Variants in ZNF594 observed in about 807,000 individuals in gnomAD.
ZNF594 encodes zinc finger protein HZF18.
For synonymous variants in ZNF594, 336 were observed against 309.4 expected, an observed-to-expected ratio of 1.09 and a Z score of -0.90; for missense variants, 1,037 against 964.6, an observed-to-expected ratio of 1.08 and a Z score of -0.99.
chr17:5,188,267 C>CTTTT (rs71151844), intron 1 of ZNF594, among the ~76,000 whole-genome samples: 1 of 134,718 alleles, frequency 7.4e-6, no homozygotes, highest in Non-Finnish European at 1.6e-5. Context: ...AAAGGCTGCC[C>CTTTT]TTTTTTTTTT....
chr17:5,187,387 G>T (rs1468079572), intron 1 of ZNF594, among the ~76,000 whole-genome samples: 1 of 152,200 alleles, frequency 6.6e-6, no homozygotes, highest in African/African-American at 2.4e-5. Flanking sequence ...CAACATATGG[G>T]AATTATGGAA....
At chr17:5,179,092 G>A (rs1360869857), downstream of ZNF594, among the ~76,000 whole-genome samples, 6 of 151,588 alleles carry the variant, frequency 4.0e-5, no homozygotes, top group African/African-American at 7.3e-5. Flanking sequence ...AGGTGACAGC[G>A]CCAGCAGCAG....
Position 5,182,059 on chromosome 17 carries a change from T to C in ZNF594, c.2198A>G (p.Glu733Gly), listed in dbSNP as rs548040309. The C allele has an allele frequency of 2.4e-4, 389 of 1,613,696 alleles. 3 individuals are homozygous for C. The South Asian group carries it at 4.1e-3, about 17-fold the overall frequency. Reference protein sequence around the residue: ...FLKHQRLHAGEKLEECEKTFS... With the variant: ...FLKHQRLHAGGKLEECEKTFS... Reference sequence around the variant, plus strand: ...GGTTTTCTCACATTCTTCAAGTTTCTCTCCAGCATGCAGTCTCTGATGTTT... The same window carrying C: ...GGTTTTCTCACATTCTTCAAGTTTCCCTCCAGCATGCAGTCTCTGATGTTT... Residue 733 changes from glutamate (E) to glycine (G), a missense_variant, in exon 2 of 2, where the codon GAG (glutamate) becomes GGG (glycine). Physicochemically the swap from Glu to Gly is moderately conservative, Grantham distance 98. Coordinates refer to ENST00000575779, the MANE Select transcript of ZNF594 (RefSeq NM_032530.2).
chr17:5,179,232 T>TTGGGCCCCC (rs2074323153), downstream of ZNF594, among the ~76,000 whole-genome samples: 1 of 145,868 alleles, frequency 6.9e-6, no homozygotes, highest in African/African-American at 2.5e-5. Flanking sequence ...TCTCTGTGCC[T>TTGGGCCCCC]TGGGCCCCCT....
At chr17:5,175,433 C>T (rs2074300490), downstream of ZNF594, among the ~76,000 whole-genome samples, 1 of 152,124 alleles carries the variant, frequency 6.6e-6, no homozygotes, top group African/African-American at 2.4e-5. Context: ...CCATTCCCCC[C>T]ATCCCCCCAG....
chr17:5,174,998 G>A (rs1029555443), downstream of ZNF594: 7 of 184,714 alleles, frequency 3.8e-5, no homozygotes, highest in Admixed American at 6.2e-5. Context: ...TCTATGTGCT[G>A]TTTTTCCTCA....
At position 5,183,139 on chromosome 17, in the gene ZNF594, T is replaced by C; in HGVS notation, c.1118A>G (p.Glu373Gly). ...LREEQRIHQE[E>G]KAYWCNQCGR... is the part of the protein sequence containing the mutation. ...ACACTGATTACACCAATAAGCTTTC[T>C]CTTCCTGGTGAATTCTCTGCTCTTC... is the stretch of plus-strand genomic sequence containing the variant. The change falls in exon 2 of 2, where the codon GAG becomes GGG. Residue 373 changes from glutamate (E) to glycine (G), a missense_variant. Glu to Gly is a moderately conservative substitution (Grantham distance 98). Coordinates refer to ENST00000575779, the MANE Select transcript of ZNF594 (RefSeq NM_032530.2). 6.2e-7 allele frequency: 1 copy of C among 1,614,062 alleles called. No individual in the cohort carries two copies. Among genetic ancestry groups the C allele is most frequent in the Non-Finnish European group, 8.5e-7 (1 of 1,180,008 alleles).
chr17:5,191,508 G>C (rs2074424204), intron 1 of ZNF594: 1 of 152,194 alleles, frequency 6.6e-6, no homozygotes, highest in Non-Finnish European at 1.5e-5. Flanking sequence ...TGCCGTTAGC[G>C]GTACCCACAG....
At position 5,181,032 on chromosome 17, in the gene ZNF594, C is replaced by G. The variant is rs769831927; in HGVS notation, c.*801G>C. The G allele has an allele frequency of 1.4e-5, 14 of 980,378 alleles. No homozygotes were observed. Among genetic ancestry groups the G allele is most frequent in the Non-Finnish European group, 2.2e-5 (14 of 624,574 alleles). The allele number at this position is 980,378 out of a possible 1,614,324, so 60.7% of individuals were successfully genotyped here. A position where few individuals can be genotyped will look rare whatever the true frequency, so the allele number is the denominator to read the frequency against. ...GTGCTTAAGAAAAGCTGTCCACCCA[C>G]TGAAGGCCTTACCACAGTTGCTACA... On this transcript the variant is annotated 3_prime_UTR_variant, in exon 2 of 2. Transcript: ENST00000575779.
At chr17:5,188,707 T>C (rs1272117003) in intron 1 of ZNF594, among the ~76,000 whole-genome samples, 2 of 151,360 alleles carry the variant, frequency 1.3e-5, no homozygotes, top group South Asian at 2.1e-4. Context: ...AGAAGAGATA[T>C]AAGGGTTTAA....
At chr17:5,187,414 G>T (rs995346706) in intron 1 of ZNF594, among the ~76,000 whole-genome samples, 6 of 152,236 alleles carry the variant, frequency 3.9e-5, no homozygotes, top group African/African-American at 1.4e-4. Context: ...TTCAAGATGA[G>T]ATTTGGGTGG....
At chr17:5,185,424 T>G (rs2074380015) in intron 1 of ZNF594, among the ~76,000 whole-genome samples, 1 of 152,206 alleles carries the variant, frequency 6.6e-6, no homozygotes, top group African/African-American at 2.4e-5. Context: ...CCCCCATGAT[T>G]CAAATTATCT....
chr17:5,185,960 C>T (rs903847029), intron 1 of ZNF594, among the ~76,000 whole-genome samples: 7 of 152,192 alleles, frequency 4.6e-5, no homozygotes, highest in African/African-American at 1.7e-4. Context: ...CAGCCTCCCT[C>T]CTGGCTGCTT....
chr17:5,176,217 G>A (rs1245996310), downstream of ZNF594, among the ~76,000 whole-genome samples: 3 of 152,030 alleles, frequency 2.0e-5, no homozygotes, highest in Non-Finnish European at 2.9e-5. Context: ...CCAATATGGA[G>A]AAACCCCGTC....
Position 5,181,793 on chromosome 17 carries a change from A to T in ZNF594, c.*40T>A. ...CTGAGCTGCTCCTAAAAGATTCCCC[A>T]CATTTATTGCATACGTAAGGTTTTT... On this transcript the variant is annotated 3_prime_UTR_variant, in exon 2 of 2. Transcript: ENST00000575779. 6 of 1,613,240 alleles carry T rather than the reference A, an allele frequency of 3.7e-6. No individual in the cohort carries two copies. The highest frequency in any genetic ancestry group is 4.2e-6 in the Non-Finnish European group (5 of 1,179,392).
chr17:5,180,942 A>G lies in ZNF594; in HGVS notation c.*891T>C. On this transcript the variant is annotated 3_prime_UTR_variant, in exon 2 of 2. Coordinates refer to ENST00000575779, the MANE Select transcript of ZNF594 (RefSeq NM_032530.2). ...TGCATTCATTAGGTTTCTGCTACCT[A>G]TTAGAATAGGTCCTGTTTGTAGACT... 3 of 678,256 alleles carry G rather than the reference A, an allele frequency of 4.4e-6. No homozygotes were observed. Among genetic ancestry groups the G allele is most frequent in the South Asian group, 3.0e-5 (2 of 66,142 alleles). The allele number at this position is 678,256 out of a possible 1,614,324, so 42.0% of individuals were successfully genotyped here.
Position 5,183,739 on chromosome 17 carries a change from T to C in ZNF594, c.518A>G (p.His173Arg), listed in dbSNP as rs1034726855. 5.0e-6 allele frequency: 8 copies of C among 1,610,736 alleles called. No homozygotes were observed. The African/African-American group carries it at 1.1e-4, about 22-fold the overall frequency. The change falls in exon 2 of 2, where the codon CAT (histidine) becomes CGT (arginine). Residue 173 changes from histidine (H) to arginine (R), a missense_variant. Physicochemically the swap from His to Arg is conservative, Grantham distance 29. Coordinates refer to ENST00000575779, the MANE Select transcript of ZNF594 (RefSeq NM_032530.2). ...DSNQSSNLII[H>R]QRIHTGKKPY... ...TTTCTTTCCTGTATGAATTCTCTGA[T>C]GTATAATAAGATTTGAACTTTGATT...
chr17:5,190,098 G>A (rs1269957346), intron 1 of ZNF594, among the ~76,000 whole-genome samples: 1 of 152,206 alleles, frequency 6.6e-6, no homozygotes, highest in East Asian at 1.9e-4. Context: ...CGGGCGCAGT[G>A]GCTCACACCT....
Position 5,182,427 on chromosome 17 carries a change from G to A in ZNF594, c.1830C>T (p.Asp610=), listed in dbSNP as rs375618378. 36 of 1,613,474 alleles carry A rather than the reference G, an allele frequency of 2.2e-5. No homozygotes were observed. Among genetic ancestry groups the A allele is most frequent in the South Asian group, 6.6e-5 (6 of 91,068 alleles). Residue 610 remains aspartate (D), a synonymous_variant, in exon 2 of 2, where the codon GAC becomes GAT. Coordinates refer to ENST00000575779, the MANE Select transcript of ZNF594 (RefSeq NM_032530.2). The part of the protein sequence containing the change: ...ECGKTFNQSS[D]LLRHHRIHSG... ...TGTGAATTCTATGATGTCTCAGAAG[G>A]TCTGAGCTCTGATTGAAAGTTTTCC...
Sources: gnomAD v4.1 joint callset for allele counts (sites outside exome capture counted in the v4.1 genomes callset) on GRCh38, gnomAD v4.1.1 for gene constraint, MANE v1.5 for transcripts, NCBI Gene and HGNC (gene_info 2026-07-23, HGNC 2026-07-21) for gene names.